UTS2: variants seen among roughly 807,000 people sequenced by gnomAD.
UTS2 encodes urotensin 2, also known as urotensin-2.
Under a neutral mutation model 12.6 loss-of-function variants are expected in UTS2, and 10 were observed. The observed-to-expected ratio is 0.80, with a 90% CI of 0.49 to 1.35. The LOEUF is 1.35. UTS2 is among the 40% of genes most tolerant of loss of function. The probability of loss-of-function intolerance (pLI) is 0.00; values close to 1 mark genes in which losing one functional copy is unlikely to be tolerated. For synonymous variants in UTS2, 52 were observed against 50.0 expected (o/e 1.04, Z -0.17); for missense variants, 142 against 143.2 (o/e 0.99, Z 0.04).
upstream of UTS2, among the ~76,000 whole-genome samples, chr1:7,855,979 C>T (rs1456688737): frequency 3.3e-5 from 5 of 151,996 alleles, no homozygotes; most frequent in East Asian, 3.9e-4. Flanking sequence ...GGATTACAGG[C>T]GCAAACCACC....
At chr1:7,851,095 G>A (rs1261866010) in intron 1 of UTS2, among the ~76,000 whole-genome samples, 173 bp from the exon 2 acceptor site, 1 of 152,212 alleles carries the variant, frequency 6.6e-6, no homozygotes, top group Non-Finnish European at 1.5e-5. Context: ...AATGCTACCA[G>A]CCCGTGTGCC....
At chr1:7,888,601 T>C in the UTS2 span, among the ~76,000 whole-genome samples, 1 of 152,376 alleles carries the variant, frequency 6.6e-6, no homozygotes, top group East Asian at 1.9e-4. Flanking sequence ...CTGAAAATCC[T>C]CTGGCCATCT....
At chr1:7,855,280 T>C (rs1306397807), upstream of UTS2, among the ~76,000 whole-genome samples, 1 of 151,994 alleles carries the variant, frequency 6.6e-6, no homozygotes, top group Non-Finnish European at 1.5e-5. Flanking sequence ...CTCAAGATAC[T>C]GGTAAGAAAA....
chr1:7,863,006 T>G, the UTS2 span, among the ~76,000 whole-genome samples: 7 of 20,280 alleles, frequency 3.5e-4, no homozygotes, highest in African/African-American at 3.4e-4. Context: ...TTGTATTGTA[T>G]TGTATTGTAT....
upstream of UTS2, among the ~76,000 whole-genome samples, chr1:7,855,873 T>C (rs1461237816): frequency 6.6e-6 from 1 of 151,590 alleles, no homozygotes; most frequent in Non-Finnish European, 1.5e-5. Flanking sequence ...TAGTTTTTTT[T>C]TTTTCAGATG....
chr1:7,906,260 C>G, the UTS2 span, among the ~76,000 whole-genome samples: 1 of 151,844 alleles, frequency 6.6e-6, no homozygotes, highest in Non-Finnish European at 1.5e-5. Context: ...TCTAAACATT[C>G]CTTTCCATGT....
At chr1:7,892,009 G>C in the UTS2 span, among the ~76,000 whole-genome samples, 4 of 152,166 alleles carry the variant, frequency 2.6e-5, no homozygotes, top group Admixed American at 6.5e-5. Flanking sequence ...CCTCTGCCTG[G>C]TGAAGTTCCA....
chr1:7,875,250 A>G, the UTS2 span, among the ~76,000 whole-genome samples: 2 of 151,626 alleles, frequency 1.3e-5, no homozygotes, highest in Admixed American at 6.6e-5. Context: ...AATTTTTTGT[A>G]TTTTTAGTAG....
the UTS2 span, among the ~76,000 whole-genome samples, chr1:7,887,166 C>T: frequency 6.6e-5 from 10 of 150,978 alleles, no homozygotes; most frequent in East Asian, 7.8e-4. Context: ...GGGACATGGA[C>T]CATGACAGTA....
At chr1:7,866,341 C>T in the UTS2 span, among the ~76,000 whole-genome samples, 36,643 of 151,998 alleles carry the variant, frequency 0.24, 5,343 homozygotes, top group African/African-American at 0.4. The surrounding 1 kb of genome is among the most constrained non-coding windows in gnomAD (Gnocchi z 4.5). Context: ...GGGACACCAG[C>T]GACAGTAGAG....
chr1:7,904,072 T>A, the UTS2 span, among the ~76,000 whole-genome samples: 1 of 152,148 alleles, frequency 6.6e-6, no homozygotes, highest in Non-Finnish European at 1.5e-5. Flanking sequence ...AATAATTTTT[T>A]AAAAATAAAT....
the UTS2 span, among the ~76,000 whole-genome samples, chr1:7,905,146 T>C: frequency 5.6e-5 from 8 of 143,758 alleles, no homozygotes; most frequent in African/African-American, 2.3e-4. Context: ...ATTTCTTTTT[T>C]CTTTTTTTTT....
the UTS2 span, among the ~76,000 whole-genome samples, chr1:7,876,258 A>G: frequency 6.6e-6 from 1 of 152,042 alleles, no homozygotes; most frequent in Non-Finnish European, 1.5e-5. Context: ...TGCTTACACC[A>G]CGGGGGATAT....
chr1:7,896,842 C>T, the UTS2 span, among the ~76,000 whole-genome samples: 657 of 151,986 alleles, frequency 4.3e-3, 7 homozygotes, highest in Non-Finnish European at 6.5e-3. Context: ...ACTACAGGTG[C>T]GTGCCCCCAT....
the UTS2 span, among the ~76,000 whole-genome samples, chr1:7,902,352 G>T: frequency 1.3e-5 from 2 of 152,166 alleles, no homozygotes; most frequent in Admixed American, 1.3e-4. Flanking sequence ...GATTCTCTGG[G>T]GGAAAGCGGG....
chr1:7,885,390 C>A, the UTS2 span, among the ~76,000 whole-genome samples: 3 of 152,112 alleles, frequency 2.0e-5, no homozygotes, highest in Non-Finnish European at 2.9e-5. Context: ...GCGGCCCAAA[C>A]GGAGGTTTCA....
chr1:7,906,982 G>T, the UTS2 span, among the ~76,000 whole-genome samples: 1 of 152,186 alleles, frequency 6.6e-6, no homozygotes, highest in Non-Finnish European at 1.5e-5. Flanking sequence ...TGCACGCAGT[G>T]GCTCACGCCT....
At chr1:7,893,679 CT>C in the UTS2 span, among the ~76,000 whole-genome samples, 2 of 152,170 alleles carry the variant, frequency 1.3e-5, no homozygotes, top group East Asian at 3.8e-4. Flanking sequence ...CTGGTCACCT[CT>C]GTGCCTGGTT....
chr1:7,876,936 C>T, the UTS2 span, among the ~76,000 whole-genome samples: 1 of 151,840 alleles, frequency 6.6e-6, no homozygotes, highest in Non-Finnish European at 1.5e-5. Flanking sequence ...TCGAGACCAT[C>T]CTGGCCAACA....
Sources: gnomAD v4.1 joint callset for allele counts (sites outside exome capture counted in the v4.1 genomes callset) on GRCh38, gnomAD v4.1.1 for gene constraint, Gnocchi (gnomAD v3.1) non-coding constraint, MANE v1.5 for transcripts, NCBI Gene and HGNC (gene_info 2026-07-23, HGNC 2026-07-21) for gene names.